SBF2: variants seen among roughly 807,000 people sequenced by gnomAD.
SBF2 encodes myotubularin-related protein 13.
A neutral mutation model predicts 225.2 loss-of-function variants in SBF2; 112 were observed. That is an observed-to-expected ratio of 0.50 (90% CI 0.43 to 0.58). The LOEUF (loss-of-function observed/expected upper bound fraction) is 0.58, where lower values mean the gene tolerates loss of function less well. Ranked by LOEUF, SBF2 falls within the 20% of genes least tolerant of loss-of-function variation. The pLI is 0.00. For synonymous variants in SBF2, 763 were observed against 773.3 expected, an observed-to-expected ratio of 0.99 and a Z score of 0.22; for missense variants, 1,996 against 2,206.2, an observed-to-expected ratio of 0.90 and a Z score of 1.91.
intron 16 of SBF2, among the ~76,000 whole-genome samples, chr11:9,920,473 A>G (rs945171134): frequency 6.6e-6 from 1 of 152,150 alleles, no homozygotes; most frequent in Non-Finnish European, 1.5e-5. Flanking sequence ...TACCACACAT[A>G]TGGATTAGCA....
intron 2 of SBF2, among the ~76,000 whole-genome samples, chr11:10,125,682 T>C (rs970938435): frequency 6.6e-6 from 1 of 152,202 alleles, no homozygotes; most frequent in African/African-American, 2.4e-5. Flanking sequence ...ATTAGTATAA[T>C]ACTATCAACT....
intron 17 of SBF2, among the ~76,000 whole-genome samples, chr11:9,892,855 G>C (rs1398061117): frequency 1.4e-5 from 2 of 147,440 alleles, no homozygotes; most frequent in African/African-American, 2.5e-5. Context: ...CACCGTACCC[G>C]GTATATACAT....
At chr11:10,152,567 G>T (rs1955260393) in intron 2 of SBF2, among the ~76,000 whole-genome samples, 1 of 151,404 alleles carries the variant, frequency 6.6e-6, no homozygotes, top group Admixed American at 6.6e-5. Flanking sequence ...AAAAGAAGAA[G>T]AAAAGAAAAG....
chr11:9,843,849 G>C (rs1051354812), intron 24 of SBF2: 2 of 152,094 alleles, frequency 1.3e-5, no homozygotes, highest in Non-Finnish European at 2.9e-5. Flanking sequence ...AAGTCTGCTA[G>C]ACAAATTCTA....
Position 9,780,297 on chromosome 11 carries a change from G to A in SBF2, c.*121C>T, listed in dbSNP as rs1851924017. Reference sequence around the variant, plus strand: ...AGCAACCCCTGCAAGAGGGGACTGGGCAGGAGAACCTCAGGCCCTGGGATA... The same window carrying A: ...AGCAACCCCTGCAAGAGGGGACTGGACAGGAGAACCTCAGGCCCTGGGATA... On this transcript the variant is annotated 3_prime_UTR_variant, in exon 40 of 40. Coordinates refer to ENST00000256190, the MANE Select transcript of SBF2 (RefSeq NM_030962.4). 1.2e-6 allele frequency: 1 copy of A among 831,058 alleles called. No individual in the cohort carries two copies. The highest frequency in any genetic ancestry group is 2.0e-6 in the Non-Finnish European group (1 of 501,988). The allele number at this position is 831,058 out of a possible 1,614,324, so 51.5% of individuals were successfully genotyped here.
At chr11:10,232,102 C>G (rs981888161) in intron 1 of SBF2, among the ~76,000 whole-genome samples, 1 of 152,208 alleles carries the variant, frequency 6.6e-6, no homozygotes, top group African/African-American at 2.4e-5. Flanking sequence ...TAGGACCCTC[C>G]GAGCCAGGTG....
chr11:10,203,752 T>A (rs910341320), intron 1 of SBF2, among the ~76,000 whole-genome samples: 2 of 152,028 alleles, frequency 1.3e-5, no homozygotes, highest in South Asian at 2.1e-4. Flanking sequence ...ATATATTGGA[T>A]ATAGCTAATG....
intron 16 of SBF2, among the ~76,000 whole-genome samples, chr11:9,949,641 T>G (rs890496261): frequency 4.6e-5 from 7 of 152,300 alleles, no homozygotes; most frequent in African/African-American, 1.2e-4. Flanking sequence ...ACTTTTTTAA[T>G]GCACTACTGG....
At chr11:10,151,826 A>G (rs964114640) in intron 2 of SBF2, among the ~76,000 whole-genome samples, 3 of 152,212 alleles carry the variant, frequency 2.0e-5, no homozygotes, top group African/African-American at 4.8e-5. Flanking sequence ...TATTGCTGTC[A>G]CTATGCATAT....
intron 1 of SBF2, among the ~76,000 whole-genome samples, chr11:10,288,365 G>A (rs1405654612): frequency 6.6e-6 from 1 of 152,240 alleles, no homozygotes; most frequent in African/African-American, 2.4e-5. Flanking sequence ...AAGACCCACA[G>A]TGGACAGCTC....
chr11:9,876,725 C>T (rs2134068118), intron 17 of SBF2, among the ~76,000 whole-genome samples: 1 of 152,262 alleles, frequency 6.6e-6, no homozygotes, highest in Non-Finnish European at 1.5e-5. Context: ...GACTATGACA[C>T]TATCTTAAGT....
chr11:9,896,018 G>A lies in SBF2; in HGVS notation c.1861-7C>T, dbSNP rs199559894. On this transcript the variant is annotated splice_region_variant and splice_polypyrimidine_tract_variant and intron_variant, in intron 16 of 39. Transcript: ENST00000256190. ...CTTCTAAACTTGAACAATCCTTTAA[G>A]CAAAACAAAGACAAAAGAGCATTAG... 68 of 1,608,834 alleles carry A rather than the reference G, an allele frequency of 4.2e-5. No individual in the cohort carries two copies. The highest frequency in any genetic ancestry group is 5.6e-5 in the Non-Finnish European group (66 of 1,175,672).
chr11:9,959,832 G>C, intron 16 of SBF2: 1 of 563,118 alleles, frequency 1.8e-6, no homozygotes. Flanking sequence ...GGTAAAGGTA[G>C]GCTGCGAGAG....
intron 8 of SBF2, 88 bp from the exon 9 acceptor site, chr11:9,998,467 G>T (rs369564918): frequency 2.7e-6 from 2 of 747,790 alleles, no homozygotes; most frequent in African/African-American, 1.7e-5. Flanking sequence ...TTCAAAACGA[G>T]AAGAATCAGA....
intron 34 of SBF2, 61 bp from the exon 35 acceptor site, chr11:9,789,403 C>G: frequency 8.4e-7 from 1 of 1,195,094 alleles, no homozygotes; most frequent in Non-Finnish European, 1.2e-6. Context: ...AGCTCACTGT[C>G]AGGCAAACCC....
At chr11:10,253,251 T>C (rs1960543979) in intron 1 of SBF2, among the ~76,000 whole-genome samples, 1 of 152,032 alleles carries the variant, frequency 6.6e-6, no homozygotes, top group Non-Finnish European at 1.5e-5. Flanking sequence ...TCTACAGATC[T>C]GACTTTTTAA....
At chr11:10,278,442 A>C (rs1432278508) in intron 1 of SBF2, among the ~76,000 whole-genome samples, 1 of 152,242 alleles carries the variant, frequency 6.6e-6, no homozygotes, top group Non-Finnish European at 1.5e-5. Flanking sequence ...ATTAAATCTT[A>C]TAATATTTAA....
At chr11:9,971,531 T>A (rs1488754435) in intron 13 of SBF2, among the ~76,000 whole-genome samples, 1 of 151,876 alleles carries the variant, frequency 6.6e-6, no homozygotes, top group Non-Finnish European at 1.5e-5. Flanking sequence ...AATAAAAAAT[T>A]AGCCAGGCAT....
chr11:9,890,992 C>T (rs748856548), intron 17 of SBF2, among the ~76,000 whole-genome samples: 36 of 151,986 alleles, frequency 2.4e-4, no homozygotes, highest in Admixed American at 2.2e-3. Flanking sequence ...AAAAATTAGC[C>T]GGGCGTGGTG....
Sources: gnomAD v4.1 joint callset for allele counts (sites outside exome capture counted in the v4.1 genomes callset) on GRCh38, gnomAD v4.1.1 for gene constraint, MANE v1.5 for transcripts, NCBI Gene and HGNC (gene_info 2026-07-23, HGNC 2026-07-21) for gene names.